The following ROGDI variants were observed in gnomAD, a reference collection of about 807,000 sequenced individuals.
The protein encoded by ROGDI is rogdi atypical leucine zipper.
Under a neutral mutation model 43.1 loss-of-function variants are expected in ROGDI, and 46 were observed. The observed-to-expected ratio is 1.07, with a 90% CI of 0.84 to 1.37. ROGDI has a LOEUF of 1.37. ROGDI is among the 40% of genes most tolerant of loss of function. ROGDI has a pLI of 0.00. For synonymous variants in ROGDI, 243 were observed against 162.0 expected (o/e 1.50, Z -3.80); for missense variants, 518 against 383.9 (o/e 1.35, Z -2.92).
At position 4,797,162 on chromosome 16, in the gene ROGDI, C is replaced by T. The variant is rs545854112; in HGVS notation, c.*298G>A. ...ACAGCGAAGGGGAGAGGAGGGAGAGCCCTGCGCCTGGCCCTGTCCTGAGTC... is the reference window on the plus strand; with the variant it reads ...ACAGCGAAGGGGAGAGGAGGGAGAGTCCTGCGCCTGGCCCTGTCCTGAGTC... On this transcript the variant is annotated 3_prime_UTR_variant, in exon 11 of 11. Coordinates refer to ENST00000322048, the MANE Select transcript of ROGDI (RefSeq NM_024589.3). The T allele has an allele frequency of 1.1e-5, 4 of 360,124 alleles. No individual in the cohort carries two copies. Among genetic ancestry groups the T allele is most frequent in the South Asian group, 7.2e-5 (2 of 27,894 alleles). 22.3% of individuals were successfully genotyped at this position (360,124 alleles called of 1,614,324 possible). A position where few individuals can be genotyped will look rare whatever the true frequency, so the allele number is the denominator to read the frequency against.
At position 4,797,812 on chromosome 16, in the gene ROGDI, T is replaced by C. The variant is rs148274786; in HGVS notation, c.724A>G (p.Ser242Gly). The C allele has an allele frequency of 7.9e-5, 127 of 1,612,614 alleles. No homozygotes were observed. The highest frequency in any genetic ancestry group is 2.0e-4 in the Admixed American group (12 of 59,990). ...FEWGSQRLEV[S>G]HVHKVECVIP... ...ACGCACTCCACTTTGTGCACGTGGC[T>C]CACCTCCAGGCGCTGAGAGCCCCAC... The change falls in exon 10 of 11, where the codon AGC (serine) becomes GGC (glycine). Residue 242 changes from serine to glycine, a missense_variant. Transcript: ENST00000322048.
At position 4,802,560 on chromosome 16, in the gene ROGDI, C is replaced by T; in HGVS notation, c.12G>A (p.Val4=). Residue 4 remains valine, a synonymous_variant, in exon 1 of 11, where the codon GTG becomes GTA. Coordinates refer to ENST00000322048, the MANE Select transcript of ROGDI (RefSeq NM_024589.3). MAT[V]MAATAAERAV... is the part of the protein sequence containing the mutation. ...CCCGCTCCGCCGCCGTCGCTGCCAT[C>T]ACGGTGGCCATGGCCGCAGGCCGCC... 7.7e-7 allele frequency: 1 copy of T among 1,300,820 alleles called. No homozygotes were observed. The highest frequency in any genetic ancestry group is 3.2e-5 in the East Asian group (1 of 30,776). The allele number at this position is 1,300,820 out of a possible 1,614,324, so 80.6% of individuals were successfully genotyped here.
At chr16:4,800,469 T>C in intron 5 of ROGDI, 29 bp downstream of exon 5, 2 of 1,539,936 alleles carry the variant, frequency 1.3e-6, no homozygotes, top group Middle Eastern at 1.7e-4. Flanking sequence ...TCCTTGTGGC[T>C]GAGCACTAGC....
intron 6 of ROGDI, 33 bp downstream of exon 6, chr16:4,799,640 AAGAACGTGGGACT>A: frequency 1.4e-6 from 2 of 1,457,226 alleles, no homozygotes; most frequent in Non-Finnish European, 1.9e-6. Context: ...ATTCCGGATC[AAGAACGTGGGACT>A]AGGCCCAGGA....
At chr16:4,801,070 C>A (rs2082709514) in intron 4 of ROGDI, 197 bp downstream of exon 4, 1 of 549,798 alleles carries the variant, frequency 1.8e-6, no homozygotes, top group South Asian at 2.6e-5. Context: ...GAACCCCTCT[C>A]CTGCACCTCT....
intron 10 of ROGDI, 35 bp downstream of exon 10, chr16:4,797,679 C>T (rs1444772522): frequency 5.0e-6 from 8 of 1,613,704 alleles, no homozygotes; most frequent in Non-Finnish European, 6.8e-6. Flanking sequence ...CCTTAGAAGT[C>T]CTTCCCCTAA....
chr16:4,802,427 G>T lies in ROGDI; in HGVS notation c.72C>A (p.His24Gln). The T allele has an allele frequency of 1.3e-6, 2 of 1,493,386 alleles. No individual in the cohort carries two copies. The highest frequency in any genetic ancestry group is 1.8e-6 in the Non-Finnish European group (2 of 1,126,796). 92.5% of individuals were successfully genotyped at this position (1,493,386 alleles called of 1,614,324 possible). A position where few individuals can be genotyped will look rare whatever the true frequency, so the allele number is the denominator to read the frequency against. ...VLEEEFRWLL[H>Q]DEVHAVLKQL... Reference sequence around the variant, plus strand: ...GCTTCAACACAGCGTGCACCTCGTCGTGCAGCAGCCAGCGGAACTCCTCCT... The same window carrying T: ...GCTTCAACACAGCGTGCACCTCGTCTTGCAGCAGCCAGCGGAACTCCTCCT... The change falls in exon 2 of 11, where the codon CAC becomes CAA. Residue 24 changes from histidine (H) to glutamine (Q), a missense_variant. By Grantham distance (24) the His-to-Gln change is conservative. Coordinates refer to ENST00000322048, the MANE Select transcript of ROGDI (RefSeq NM_024589.3).
chr16:4,800,671 T>C, intron 4 of ROGDI, 93 bp from the exon 5 acceptor site: 1 of 1,082,962 alleles, frequency 9.2e-7, no homozygotes, highest in Non-Finnish European at 1.4e-6. Flanking sequence ...AAATGGGGTG[T>C]GTGGTGGTTC....
At position 4,801,330 on chromosome 16, in the gene ROGDI, T is replaced by C. The variant is rs749175130; in HGVS notation, c.201-9A>G. On this transcript the variant is annotated splice_polypyrimidine_tract_variant and intron_variant, in intron 3 of 10. Transcript: ENST00000322048. ...CCTTCACCTGGTCTGTGCTGTAACATGTGGCGTCAGAGCGGTGCCTGTGGT... is the reference window on the plus strand; with the variant it reads ...CCTTCACCTGGTCTGTGCTGTAACACGTGGCGTCAGAGCGGTGCCTGTGGT... 3 of 1,603,426 alleles carry C rather than the reference T, an allele frequency of 1.9e-6. No homozygotes were observed. Among genetic ancestry groups the C allele is most frequent in the Admixed American group, 1.7e-5 (1 of 59,466 alleles).
At position 4,802,592 on chromosome 16, in the gene ROGDI, C is replaced by A; in HGVS notation, c.-21G>T. The A allele has an allele frequency of 7.7e-7, 1 of 1,306,050 alleles. No homozygotes were observed. The allele number at this position is 1,306,050 out of a possible 1,614,324, so 80.9% of individuals were successfully genotyped here. A position where few individuals can be genotyped will look rare whatever the true frequency, so the allele number is the denominator to read the frequency against. On this transcript the variant is annotated 5_prime_UTR_variant, in exon 1 of 11. Coordinates refer to ENST00000322048, the MANE Select transcript of ROGDI (RefSeq NM_024589.3). ...GCCATGGCCGCAGGCCGCCGCCGAG[C>A]GCCCTCCCCACCGGCCGCTGCTCCT...
At position 4,798,198 on chromosome 16, in the gene ROGDI, G is replaced by T. The variant is rs749654527; in HGVS notation, c.532-14C>A. Reference sequence around the variant, plus strand: ...GGCGAACATCCGCTGCGGGAGGCAGGTGGGATGAGGCCCTCGCAAGCCCCC... The same window carrying T: ...GGCGAACATCCGCTGCGGGAGGCAGTTGGGATGAGGCCCTCGCAAGCCCCC... On this transcript the variant is annotated splice_polypyrimidine_tract_variant and intron_variant, in intron 7 of 10. Coordinates refer to ENST00000322048, the MANE Select transcript of ROGDI (RefSeq NM_024589.3). 1 of 1,606,050 alleles carries T rather than the reference G, an allele frequency of 6.2e-7. No individual in the cohort carries two copies. The highest frequency in any genetic ancestry group is 8.5e-7 in the Non-Finnish European group (1 of 1,174,590).
Position 4,798,173 on chromosome 16 carries a change from G to C in ROGDI, c.543C>G (p.Ala181=). ...IAASGLTRMF[A]PALPSDLLVN... ...CCAGCAGGTCGGACGGCAGGGCAGG[G>C]GCGAACATCCGCTGCGGGAGGCAGG... The change falls in exon 8 of 11, where the codon GCC becomes GCG. Residue 181 remains alanine, a synonymous_variant. Transcript: ENST00000322048. 1 of 1,613,684 alleles carries C rather than the reference G, an allele frequency of 6.2e-7. No individual in the cohort carries two copies. Among genetic ancestry groups the C allele is most frequent in the Non-Finnish European group, 8.5e-7 (1 of 1,179,814 alleles).
In ROGDI at chr16:4,798,615, G is replaced by C; in HGVS notation, c.485C>G (p.Thr162Ser). 1 of 1,575,692 alleles carries C rather than the reference G, an allele frequency of 6.3e-7. No homozygotes were observed. Among genetic ancestry groups the C allele is most frequent in the Admixed American group, 1.9e-5 (1 of 53,578 alleles). The part of the protein sequence containing the change: ...QLTRARNRLT[T>S]PATLTLPEIA... ...CTCGGGGAGGGTGAGGGTGGCGGGG[G>C]TGGTGAGCCGGTTTCGGGCTCTGGT... Residue 162 changes from threonine (T) to serine (S), a missense_variant, in exon 7 of 11, where the codon ACC becomes AGC. Coordinates refer to ENST00000322048, the MANE Select transcript of ROGDI (RefSeq NM_024589.3).
chr16:4,799,931 A>T (rs1270551529), intron 5 of ROGDI, 150 bp from the exon 6 acceptor site: 15 of 623,320 alleles, frequency 2.4e-5, no homozygotes, highest in Non-Finnish European at 4.3e-5. Context: ...GGTGATGGGC[A>T]TCTGGCATCA....
Position 4,800,813 on chromosome 16 carries a change from A to G in ROGDI, c.256-235T>C, listed in dbSNP as rs75393034. ...AGAAGTGAAATGGAAAGAGGTGAAG[A>G]AAGGGGAAGGGGAAGAGGAAAGGCA... On this transcript the variant is annotated intron_variant, in intron 4 of 10. Coordinates refer to ENST00000322048, the MANE Select transcript of ROGDI (RefSeq NM_024589.3). 1,188 of 568,356 alleles carry G rather than the reference A, an allele frequency of 2.1e-3. 8 individuals are homozygous for G. Among genetic ancestry groups the G allele is most frequent in the African/African-American group, 0.021 (1,095 of 52,754 alleles). The allele number at this position is 568,356 out of a possible 1,614,324, so 35.2% of individuals were successfully genotyped here. A position where few individuals can be genotyped will look rare whatever the true frequency, so the allele number is the denominator to read the frequency against.
At chr16:4,801,366 C>A (rs1567603533) in intron 3 of ROGDI, 45 bp from the exon 4 acceptor site, 2 of 1,584,438 alleles carry the variant, frequency 1.3e-6, no homozygotes, top group East Asian at 2.3e-5. Context: ...CACCCCCCCA[C>A]CACCCAGCCC....
In ROGDI at chr16:4,800,493, G is replaced by A. The variant is rs2141910504; in HGVS notation, c.336+5C>T. The A allele has an allele frequency of 6.4e-7, 1 of 1,552,984 alleles. No homozygotes were observed. The highest frequency in any genetic ancestry group is 8.7e-7 in the Non-Finnish European group (1 of 1,147,442). Reference sequence around the variant, plus strand: ...CTGAGCACTAGCCAGGAGGGGCGGGGTCACCTGCTGCAGCTTCCACTGCTT... The same window carrying A: ...CTGAGCACTAGCCAGGAGGGGCGGGATCACCTGCTGCAGCTTCCACTGCTT... On this transcript the variant is annotated splice_donor_5th_base_variant and intron_variant, in intron 5 of 10. Transcript: ENST00000322048.
intron 2 of ROGDI, chr16:4,802,132 G>T: frequency 1.5e-6 from 1 of 655,038 alleles, no homozygotes; most frequent in Non-Finnish European, 2.8e-6. Context: ...CTCCCAAGGC[G>T]GCCTTCCCCG....
At chr16:4,800,881 A>C (rs2082706807) in intron 4 of ROGDI, 2 of 514,294 alleles carry the variant, frequency 3.9e-6, no homozygotes, top group Non-Finnish European at 6.9e-6. Flanking sequence ...TCTAGTGTCT[A>C]CAAAGGGCAA....
Sources: gnomAD v4.1 joint callset for allele counts on GRCh38, gnomAD v4.1.1 for gene constraint, MANE v1.5 for transcripts, NCBI Gene and HGNC (gene_info 2026-07-23, HGNC 2026-07-21) for gene names.